The following DHRSX variants were observed in gnomAD, a reference collection of about 807,000 sequenced individuals.
The protein encoded by DHRSX is dehydrogenase/reductase X-linked, also known as polyprenol dehydrogenase.
A neutral mutation model predicts 34.0 loss-of-function variants in DHRSX; 31 were observed. The ratio of observed to expected loss-of-function variants is 0.91; its 90% CI spans 0.69 to 1.23. The LOEUF (loss-of-function observed/expected upper bound fraction) is 1.23, where lower values mean the gene tolerates loss of function less well. Among genes scored for constraint, DHRSX ranks in the 50% most tolerant of loss-of-function variants. The probability of loss-of-function intolerance (pLI) is 0.00; values close to 1 mark genes in which losing one functional copy is unlikely to be tolerated. For missense variants in DHRSX, 414 were observed against 428.1 expected (o/e 0.97, Z 0.29); for synonymous variants, 201 against 183.8 (o/e 1.09, Z -0.76).
chrX:2,242,649 G>A (rs1186352924), intron 6 of DHRSX, among the ~76,000 whole-genome samples: 2 of 152,114 alleles, frequency 1.3e-5, no homozygotes, highest in African/African-American at 4.8e-5. Context: ...CGACAAGAGT[G>A]ACCTCCGGCT....
intron 1 of DHRSX, among the ~76,000 whole-genome samples, chrX:2,469,545 A>G (rs1268378733): frequency 6.8e-6 from 1 of 146,800 alleles, no homozygotes; most frequent in Non-Finnish European, 1.5e-5. Flanking sequence ...ATTCCCTAAG[A>G]ATGTGGCCAA....
chrX:2,469,473 C>A (rs2044555495), intron 1 of DHRSX, among the ~76,000 whole-genome samples: 1 of 151,938 alleles, frequency 6.6e-6, no homozygotes, highest in South Asian at 2.1e-4. Context: ...CCACCCTATA[C>A]ACACTGAAGA....
In DHRSX at chrX:2,221,965, A is replaced by G. The variant is rs902206719; in HGVS notation, c.805-736T>C. Among the ~76,000 whole-genome samples, 8 of 152,182 alleles carry G rather than the reference A, an allele frequency of 5.3e-5. No homozygotes were observed. In the South Asian group the frequency reaches 1.0e-3, roughly 20 times the overall value. ...AATAATCCAGGAACCAACACAGTGC[A>G]TCTTAACTTCTGTCACAATGAAGAT... On this transcript the variant is annotated intron_variant, in intron 6 of 6. Coordinates refer to ENST00000334651, the MANE Select transcript of DHRSX (RefSeq NM_145177.3).
At chrX:2,347,094 G>A (rs748141636) in intron 3 of DHRSX, among the ~76,000 whole-genome samples, 1 of 152,296 alleles carries the variant, frequency 6.6e-6, no homozygotes, top group Non-Finnish European at 1.5e-5. Context: ...TAAAGTATAA[G>A]TATGTTTTCA....
At chrX:2,403,358 C>G (rs1221407771) in intron 3 of DHRSX, among the ~76,000 whole-genome samples, 1 of 152,202 alleles carries the variant, frequency 6.6e-6, no homozygotes, top group Non-Finnish European at 1.5e-5. Context: ...TTTTAAACAG[C>G]CACAGAAAGT....
rs764837078 is a variant in DHRSX at position 2,291,556 on chromosome X, A to G, written c.334T>C (p.Phe112Leu). ...DLASMTSIRQ[F>L]VQKFKMKKIP... ...TTCTTCATCTTGAACTTCTGCACAA[A>G]CTGCCGGATGGAAGTCATGGAAGCC... The change falls in exon 4 of 7, where the codon TTT becomes CTT. Residue 112 changes from phenylalanine to leucine, a missense_variant. Phe to Leu is a conservative substitution (Grantham distance 22). Coordinates refer to ENST00000334651, the MANE Select transcript of DHRSX (RefSeq NM_145177.3). 4 of 1,613,852 alleles carry G rather than the reference A, an allele frequency of 2.5e-6. No individual in the cohort carries two copies.
intron 1 of DHRSX, chrX:2,486,417 A>G (rs1161413107): frequency 6.6e-6 from 1 of 152,214 alleles, no homozygotes; most frequent in Admixed American, 6.5e-5. Flanking sequence ...CGCGGCAGAC[A>G]AATGAATGAG....
intron 2 of DHRSX, among the ~76,000 whole-genome samples, chrX:2,422,302 A>T (rs867208129): frequency 7.3e-6 from 1 of 137,070 alleles, no homozygotes; most frequent in Non-Finnish European, 1.6e-5. Context: ...TCACTCTGTC[A>T]CCCAGGCTGG....
chrX:2,491,611 T>C (rs2045147627), intron 1 of DHRSX, among the ~76,000 whole-genome samples: 2 of 152,108 alleles, frequency 1.3e-5, no homozygotes, highest in African/African-American at 4.8e-5. Context: ...AAAGCCAGCT[T>C]TCCTATGGCT....
intron 3 of DHRSX, among the ~76,000 whole-genome samples, chrX:2,330,673 AAGG>A (rs199517120): frequency 0.034 from 4,377 of 130,264 alleles, 240 homozygotes; most frequent in African/African-American, 0.14. Flanking sequence ...GAAGAAGGAG[AAGG>A]AGGAGGAGAA....
At position 2,371,084 on chromosome X, in the gene DHRSX, C is replaced by G. The variant is rs1393606818; in HGVS notation, c.286+37661G>C. Among the ~76,000 whole-genome samples, 5 of 152,078 alleles carry G rather than the reference C, an allele frequency of 3.3e-5. No individual in the cohort carries two copies. The East Asian group carries it at 9.7e-4, about 29-fold the overall frequency. ...ACCAGTGGTTGCATTAGTCCCTCCT[C>G]CTCTTGTTACAATAGTTCCTCCCCT... On this transcript the variant is annotated intron_variant, in intron 3 of 6. Coordinates refer to ENST00000334651, the MANE Select transcript of DHRSX (RefSeq NM_145177.3).
chrX:2,445,512 C>T (rs1366683366), intron 1 of DHRSX, among the ~76,000 whole-genome samples: 2 of 152,168 alleles, frequency 1.3e-5, no homozygotes, highest in Non-Finnish European at 2.9e-5. Context: ...GTTCCTCCCC[C>T]AAATTCCTGC....
At chrX:2,293,781 G>T (rs1448813900) in intron 3 of DHRSX, among the ~76,000 whole-genome samples, 2 of 152,062 alleles carry the variant, frequency 1.3e-5, no homozygotes, top group Non-Finnish European at 2.9e-5. Flanking sequence ...TTTTATGAAG[G>T]CCACATAGCT....
chrX:2,401,358 G>A lies in DHRSX; in HGVS notation c.286+7387C>T, dbSNP rs746896991. 3.3e-5 allele frequency among the ~76,000 whole-genome samples: 5 copies of A among 152,198 alleles called. No individual in the cohort carries two copies. In the South Asian group the frequency reaches 8.3e-4, roughly 25 times the overall value. On this transcript the variant is annotated intron_variant, in intron 3 of 6. Coordinates refer to ENST00000334651, the MANE Select transcript of DHRSX (RefSeq NM_145177.3). ...ACTCCTGACCTCAAGCTATCTGCCC[G>A]CCTAGGCCTCCCAAAGAGCTGGGAT...
chrX:2,242,509 C>T (rs1185435124), intron 6 of DHRSX, among the ~76,000 whole-genome samples: 3 of 152,074 alleles, frequency 2.0e-5, no homozygotes, highest in Non-Finnish European at 4.4e-5. Flanking sequence ...GGCTGCATTC[C>T]CAGGCGGTTA....
At chrX:2,406,440 T>C (rs1375048140) in intron 3 of DHRSX, among the ~76,000 whole-genome samples, 1 of 54,606 alleles carries the variant, frequency 1.8e-5, no homozygotes, top group Non-Finnish European at 2.8e-5. Flanking sequence ...TTTTTTGTTT[T>C]TTGTTTTTTT....
At chrX:2,385,681 T>A (rs141904022) in intron 3 of DHRSX, among the ~76,000 whole-genome samples, 1 of 152,324 alleles carries the variant, frequency 6.6e-6, no homozygotes, top group African/African-American at 2.4e-5. Context: ...AGAAGCATCC[T>A]TTGGTCTACA....
At chrX:2,238,201 T>A (rs73626180) in intron 6 of DHRSX, among the ~76,000 whole-genome samples, 4,144 of 152,114 alleles carry the variant, frequency 0.027, 210 homozygotes, top group African/African-American at 0.094. Context: ...CAAAAAATTT[T>A]AAAAAATTAG....
chrX:2,253,988 A>C (rs1156402434), intron 5 of DHRSX, among the ~76,000 whole-genome samples: 2 of 152,030 alleles, frequency 1.3e-5, no homozygotes, highest in African/African-American at 2.4e-5. Context: ...GTGAACCCGG[A>C]AGGCGGAGCT....
Sources: allele counts gnomAD v4.1 joint callset (sites outside exome capture counted in the v4.1 genomes callset), GRCh38; gene constraint gnomAD v4.1.1; transcripts MANE v1.5; gene names NCBI Gene and HGNC (gene_info 2026-07-23, HGNC 2026-07-21).